The following ANO2 variants were observed in gnomAD, a reference collection of about 807,000 sequenced individuals.
The protein encoded by ANO2 is anoctamin 2, also known as anoctamin-2.
A neutral mutation model predicts 124.2 loss-of-function variants in ANO2; 101 were observed. The ratio of observed to expected loss-of-function variants is 0.81; its 90% CI spans 0.69 to 0.96. The LOEUF is 0.96. Ranked by LOEUF, ANO2 falls within the 40% of genes least tolerant of loss-of-function variation. The pLI, the probability that ANO2 is intolerant of heterozygous loss-of-function variation, is 0.00. For missense variants in ANO2, 1,293 were observed against 1,274.5 expected (o/e 1.01, Z -0.22); for synonymous variants, 486 against 482.5 (o/e 1.01, Z -0.09).
chr12:5,676,682 A>C (rs1450694275), intron 14 of ANO2, among the ~76,000 whole-genome samples: 1 of 152,154 alleles, frequency 6.6e-6, no homozygotes, highest in Non-Finnish European at 1.5e-5. Flanking sequence ...CCCTCATCCT[A>C]AGTTTTTGAA....
At chr12:5,751,577 G>A (rs781481699) in intron 10 of ANO2, among the ~76,000 whole-genome samples, 24 of 152,124 alleles carry the variant, frequency 1.6e-4, no homozygotes, top group Non-Finnish European at 2.6e-4. Context: ...AGAGCTGTAC[G>A]TGTTGAACAT....
rs756083891 is a variant in ANO2, at chr12:5,635,263, G to T, written c.1705C>A (p.Arg569Ser). ...GTCACTGTCACCCGGACATTGGAGC[G>T]TGTAGCCTTATTGAGAGACAGAGCG... ...AAALSLNKAT[R>S]SNVRVTVTAT... The change falls in exon 16 of 25, where the codon CGC becomes AGC. Residue 569 changes from arginine (R) to serine (S), a missense_variant. By Grantham distance (110) the Arg-to-Ser change is moderately radical. Coordinates refer to ENST00000682330, the MANE Select transcript of ANO2 (RefSeq NM_001364791.2). This position sits in a 1 kb window ranked among gnomAD's most constrained non-coding sequence, Gnocchi z 5.2. 1.4e-5 allele frequency: 22 copies of T among 1,612,352 alleles called. No homozygotes were observed. The highest frequency in any genetic ancestry group is 1.4e-5 in the Non-Finnish European group (17 of 1,179,574).
intron 14 of ANO2, among the ~76,000 whole-genome samples, chr12:5,703,057 C>T (rs1949468565): frequency 6.6e-6 from 1 of 152,102 alleles, no homozygotes; most frequent in Non-Finnish European, 1.5e-5. Context: ...TTCATAACTG[C>T]ATCCCTGGTA....
Position 5,921,346 on chromosome 12 carries a change from A to G in ANO2, c.228T>C (p.Asp76=). 2 of 1,613,852 alleles carry G rather than the reference A, an allele frequency of 1.2e-6. No individual in the cohort carries two copies. Among genetic ancestry groups the G allele is most frequent in the Middle Eastern group, 1.6e-4 (1 of 6,062 alleles). ...RSSSVINNYL[D]ANEPVSLEAR... The stretch of plus-strand genomic sequence containing the variant: ...CCTCCAAGGACACAGGCTCATTGGC[A>G]TCCAGATAGTTGTTGATGACCTGGC... Residue 76 remains aspartate (D), a synonymous_variant, in exon 3 of 25, where the codon GAT becomes GAC. Coordinates refer to ENST00000682330, the MANE Select transcript of ANO2 (RefSeq NM_001364791.2).
chr12:5,840,634 ACC>A (rs1271027692), intron 4 of ANO2, among the ~76,000 whole-genome samples: 1 of 152,156 alleles, frequency 6.6e-6, no homozygotes, highest in African/African-American at 2.4e-5. Flanking sequence ...AATCTTAATG[ACC>A]CATGAGTCAC....
At chr12:5,814,369 C>A (rs1305006227) in intron 7 of ANO2, among the ~76,000 whole-genome samples, 2 of 152,226 alleles carry the variant, frequency 1.3e-5, no homozygotes, top group Admixed American at 1.3e-4. Context: ...GGAATTGCCA[C>A]CACCATGTCT....
intron 15 of ANO2, among the ~76,000 whole-genome samples, chr12:5,643,194 G>C (rs1444673163): frequency 6.6e-6 from 1 of 151,906 alleles, no homozygotes; most frequent in Non-Finnish European, 1.5e-5. Flanking sequence ...CTGCTCCTTT[G>C]GATCCAACCA....
At chr12:5,816,215 T>G (rs773416536) in intron 7 of ANO2, among the ~76,000 whole-genome samples, 1 of 151,992 alleles carries the variant, frequency 6.6e-6, no homozygotes, top group Non-Finnish European at 1.5e-5. Context: ...TCACTCATGC[T>G]TCTCTTCCAC....
chr12:5,708,377 G>A (rs1383919032), intron 14 of ANO2, among the ~76,000 whole-genome samples: 1 of 152,158 alleles, frequency 6.6e-6, no homozygotes, highest in Non-Finnish European at 1.5e-5. Flanking sequence ...TTAAGAAAAA[G>A]GTCAAATTCT....
At chr12:5,918,137 G>A (rs1941487823) in intron 3 of ANO2, among the ~76,000 whole-genome samples, 1 of 152,138 alleles carries the variant, frequency 6.6e-6, no homozygotes, top group African/African-American at 2.4e-5. Flanking sequence ...ACCTTGGAGA[G>A]ACCATCTCAG....
rs2136968465 is a variant in ANO2 at position 5,658,058 on chromosome 12, TTCTC to T, written c.1546-10261_1546-10258del. Among the ~76,000 whole-genome samples the T allele has an allele frequency of 6.7e-6, 1 of 148,956 alleles. No individual in the cohort carries two copies. The highest frequency in any genetic ancestry group is 2.4e-5 in the African/African-American group (1 of 40,942). On this transcript the variant is annotated intron_variant, in intron 14 of 24. Transcript: ENST00000682330. This position sits in a 1 kb window ranked among gnomAD's most constrained non-coding sequence, Gnocchi z 4.3. ...AAAAATATTATTTGCTCATTTGTCT[TTCTC>T]TCCCTCTCCTCATCCCCCTTTTCTT... is the stretch of plus-strand genomic sequence containing the variant.
rs1222209650 is a variant in ANO2 at position 5,787,487 on chromosome 12, C to G, written c.1055+12020G>C. ...CCAGACTCAGGAGTTCAGATCCTAC[C>G]TCTCTCACCAACCTTGTGACTTTGG... On this transcript the variant is annotated intron_variant, in intron 10 of 24. Transcript: ENST00000682330. This position sits in a 1 kb window ranked among gnomAD's most constrained non-coding sequence, Gnocchi z 4.2. 2.6e-5 allele frequency among the ~76,000 whole-genome samples: 4 copies of G among 152,152 alleles called. No individual in the cohort carries two copies. The highest frequency in any genetic ancestry group is 5.9e-5 in the Non-Finnish European group (4 of 68,030).
chr12:5,619,438 T>A (rs1259349084), intron 16 of ANO2, among the ~76,000 whole-genome samples: 1 of 152,158 alleles, frequency 6.6e-6, no homozygotes, highest in Non-Finnish European at 1.5e-5. Flanking sequence ...AGAGTCCTAC[T>A]TGTGTGAGGC....
At chr12:5,713,844 T>C (rs1949912042) in intron 14 of ANO2, among the ~76,000 whole-genome samples, 1 of 152,162 alleles carries the variant, frequency 6.6e-6, no homozygotes, top group Admixed American at 6.5e-5. Context: ...GGAACGAGTG[T>C]TCCCATCTCC....
intron 16 of ANO2, among the ~76,000 whole-genome samples, chr12:5,627,559 A>C (rs1278270935): frequency 6.6e-6 from 1 of 152,124 alleles, no homozygotes; most frequent in East Asian, 1.9e-4. Context: ...GCATCCAATA[A>C]AGCCAACACT....
At chr12:5,890,857 T>C (rs2136272049) in intron 3 of ANO2, among the ~76,000 whole-genome samples, 1 of 152,362 alleles carries the variant, frequency 6.6e-6, no homozygotes, top group South Asian at 2.1e-4. Flanking sequence ...ACTTACAGGA[T>C]TGGTCACCTG....
chr12:5,641,106 G>C (rs1464591705), intron 15 of ANO2, among the ~76,000 whole-genome samples: 1 of 151,884 alleles, frequency 6.6e-6, no homozygotes, highest in Non-Finnish European at 1.5e-5. Context: ...CCATCATTCT[G>C]AGCAAACTAT....
intron 1 of ANO2, among the ~76,000 whole-genome samples, chr12:5,935,806 C>T (rs926478625): frequency 6.6e-6 from 1 of 152,230 alleles, no homozygotes; most frequent in Non-Finnish European, 1.5e-5. Context: ...GTCTGGGTTT[C>T]ACCTCCACAG....
chr12:5,829,950 A>G (rs1009960223), intron 6 of ANO2, among the ~76,000 whole-genome samples: 4 of 152,226 alleles, frequency 2.6e-5, no homozygotes, highest in African/African-American at 9.6e-5. Flanking sequence ...TCCTTGTTAT[A>G]GAAATTCACA....
Sources: allele counts gnomAD v4.1 joint callset (sites outside exome capture counted in the v4.1 genomes callset), GRCh38; gene constraint gnomAD v4.1.1; non-coding constraint Gnocchi (gnomAD v3.1); transcripts MANE v1.5; gene names NCBI Gene and HGNC (gene_info 2026-07-23, HGNC 2026-07-21).